The following ZHX2 variants were observed in gnomAD, a reference collection of about 807,000 sequenced individuals.
ZHX2 encodes zinc fingers and homeoboxes protein 2.
In ZHX2, 6 loss-of-function variants were observed where a neutral mutation model predicts 21.9. The ratio of observed to expected loss-of-function variants is 0.27; its 90% CI spans 0.15 to 0.54. ZHX2 has a LOEUF of 0.54. ZHX2 is among the 20% of genes least tolerant of loss of function. The probability of loss-of-function intolerance (pLI) is 0.95; values close to 1 mark genes in which losing one functional copy is unlikely to be tolerated. For synonymous variants in ZHX2, 434 were observed against 437.1 expected (o/e 0.99, Z 0.09); for missense variants, 908 against 1,090.7 (o/e 0.83, Z 2.36).
At chr8:122,850,621 G>A (rs1382199189) in intron 1 of ZHX2, among the ~76,000 whole-genome samples, 54 of 124,590 alleles carry the variant, frequency 4.3e-4, no homozygotes, top group African/African-American at 1.6e-3. Flanking sequence ...GCCTGGGCAA[G>A]AAAGCGAGAC....
chr8:122,816,395 C>A (rs1324135545), intron 1 of ZHX2: 1 of 151,366 alleles, frequency 6.6e-6, no homozygotes, highest in African/African-American at 2.4e-5. Context: ...GAACTGAAGT[C>A]TCAATAGCTC....
intron 2 of ZHX2, among the ~76,000 whole-genome samples, chr8:122,944,280 G>A (rs1812915101): frequency 1.3e-5 from 2 of 152,160 alleles, no homozygotes; most frequent in Non-Finnish European, 2.9e-5. Context: ...TCTGCAGATT[G>A]AGGGTAGTCA....
chr8:122,904,358 G>A (rs117267271), intron 2 of ZHX2, among the ~76,000 whole-genome samples: 51 of 152,220 alleles, frequency 3.4e-4, no homozygotes, highest in East Asian at 5.8e-4. Context: ...CCCTCACCAC[G>A]TTATAGCAAG....
At chr8:122,855,349 C>T (rs1819001365) in intron 1 of ZHX2, among the ~76,000 whole-genome samples, 1 of 152,178 alleles carries the variant, frequency 6.6e-6, no homozygotes, top group South Asian at 2.1e-4. Context: ...TACCACCTTG[C>T]ATTTCAAGTT....
intron 2 of ZHX2, among the ~76,000 whole-genome samples, chr8:122,922,430 C>T (rs1820762645): frequency 6.6e-6 from 1 of 152,188 alleles, no homozygotes; most frequent in African/African-American, 2.4e-5. Flanking sequence ...GAGTCAGTCC[C>T]TCTGCCCTGC....
At chr8:122,819,149 C>A (rs1398994642) in intron 1 of ZHX2, among the ~76,000 whole-genome samples, 2 of 152,160 alleles carry the variant, frequency 1.3e-5, no homozygotes, top group Admixed American at 1.3e-4. Context: ...AGTGGTTAGA[C>A]CCAAAGTAAC....
At chr8:122,868,667 C>G (rs550302299) in intron 2 of ZHX2, among the ~76,000 whole-genome samples, 1 of 145,562 alleles carries the variant, frequency 6.9e-6, no homozygotes, top group South Asian at 2.2e-4. Flanking sequence ...CGCCACTGCA[C>G]TCCAGCCTGG....
At chr8:122,961,171 C>G (rs990174063) in intron 3 of ZHX2, among the ~76,000 whole-genome samples, 1 of 152,236 alleles carries the variant, frequency 6.6e-6, no homozygotes, top group Non-Finnish European at 1.5e-5. Context: ...TGAGGCCTCT[C>G]TTCGTAGCTT....
At chr8:122,802,334 G>A (rs7003761) in intron 1 of ZHX2, among the ~76,000 whole-genome samples, 93,353 of 152,060 alleles carry the variant, frequency 0.61, 28,726 homozygotes, top group African/African-American at 0.66. Flanking sequence ...AAGTGCGGGG[G>A]TTAGAGGCGT....
At chr8:122,958,342 T>C (rs537870548) in intron 3 of ZHX2, among the ~76,000 whole-genome samples, 24 of 152,364 alleles carry the variant, frequency 1.6e-4, no homozygotes, top group Non-Finnish European at 2.5e-4. Context: ...TTGAGGGACC[T>C]GTCCTAGGAA....
At chr8:122,797,720 A>C (rs1817638759) in intron 1 of ZHX2, among the ~76,000 whole-genome samples, 1 of 151,090 alleles carries the variant, frequency 6.6e-6, no homozygotes, top group Admixed American at 6.6e-5. Flanking sequence ...CCAGACATTC[A>C]AAAAAAAAAT....
At chr8:122,824,510 T>C (rs894933671) in intron 1 of ZHX2, among the ~76,000 whole-genome samples, 10 of 152,188 alleles carry the variant, frequency 6.6e-5, no homozygotes, top group Non-Finnish European at 1.5e-4. Flanking sequence ...TGTCAGCCAT[T>C]GTACAGTGCC....
intron 2 of ZHX2, among the ~76,000 whole-genome samples, chr8:122,930,035 TA>T (rs1820946283): frequency 1.3e-5 from 2 of 152,104 alleles, no homozygotes; most frequent in African/African-American, 4.8e-5. Flanking sequence ...ACCCAGAAGG[TA>T]ACAGCACAGA....
At chr8:122,871,728 C>CA (rs35881741) in intron 2 of ZHX2, among the ~76,000 whole-genome samples, 62,901 of 107,968 alleles carry the variant, frequency 0.58, 18,167 homozygotes, top group East Asian at 0.73. Context: ...TTTCTCAGGG[C>CA]AAAAAAAAAA....
At chr8:122,968,074 G>A (rs1813628726) in intron 3 of ZHX2, among the ~76,000 whole-genome samples, 1 of 152,016 alleles carries the variant, frequency 6.6e-6, no homozygotes, top group South Asian at 2.1e-4. Flanking sequence ...GCAAGTCTTT[G>A]AGGTAAAAAG....
At chr8:122,908,527 A>G (rs1158769616) in intron 2 of ZHX2, among the ~76,000 whole-genome samples, 2 of 152,110 alleles carry the variant, frequency 1.3e-5, no homozygotes, top group African/African-American at 2.4e-5. Flanking sequence ...CTTGTTTTAC[A>G]TGGACCACGG....
At chr8:122,934,823 G>A (rs1812639080) in intron 2 of ZHX2, among the ~76,000 whole-genome samples, 1 of 152,058 alleles carries the variant, frequency 6.6e-6, no homozygotes, top group Non-Finnish European at 1.5e-5. Flanking sequence ...CAAGTACCTG[G>A]GATTGCAGGC....
At chr8:122,930,379 C>T (rs182609217) in intron 2 of ZHX2, among the ~76,000 whole-genome samples, 163 of 152,226 alleles carry the variant, frequency 1.1e-3, no homozygotes, top group Non-Finnish European at 1.6e-3. Context: ...AGAGGGATTG[C>T]GGAAGAATGG....
At chr8:122,838,415 C>A (rs1013657259) in intron 1 of ZHX2, among the ~76,000 whole-genome samples, 1 of 152,130 alleles carries the variant, frequency 6.6e-6, no homozygotes, top group Admixed American at 6.5e-5. Context: ...CGAGGCATGT[C>A]AGTCCCAGCG....
Sources: gnomAD v4.1 joint callset for allele counts (sites outside exome capture counted in the v4.1 genomes callset) on GRCh38, gnomAD v4.1.1 for gene constraint, MANE v1.5 for transcripts, NCBI Gene and HGNC (gene_info 2026-07-23, HGNC 2026-07-21) for gene names.